Variants in AKAP6 observed in about 807,000 individuals in gnomAD.
AKAP6 encodes the protein A-kinase anchoring protein 6.
In AKAP6, 58 loss-of-function variants were observed where a neutral mutation model predicts 188.5. That is an observed-to-expected ratio of 0.31 (90% CI 0.25 to 0.38). The LOEUF (loss-of-function observed/expected upper bound fraction) is 0.38, where lower values mean the gene tolerates loss of function less well. Ranked by LOEUF, AKAP6 falls within the 10% of genes least tolerant of loss-of-function variation. The probability of loss-of-function intolerance (pLI) is 1.00; values close to 1 mark genes in which losing one functional copy is unlikely to be tolerated. For missense variants in AKAP6, 2,710 were observed against 2,740.0 expected (o/e 0.99, Z 0.24); for synonymous variants, 989 against 998.6 (o/e 0.99, Z 0.18).
intron 7 of AKAP6, among the ~76,000 whole-genome samples, chr14:32,656,006 T>TA (rs1234454415): frequency 6.6e-6 from 1 of 152,260 alleles, no homozygotes; most frequent in East Asian, 1.9e-4. Context: ...CTCGTCTAGA[T>TA]ATTTCAGTGA....
chr14:32,670,012 G>A (rs917554766), intron 7 of AKAP6, among the ~76,000 whole-genome samples: 2 of 151,498 alleles, frequency 1.3e-5, no homozygotes, highest in East Asian at 1.9e-4. Context: ...CAGGAGAATC[G>A]CTTGATCCCA....
chr14:32,762,578 A>G (rs934731611), intron 11 of AKAP6, among the ~76,000 whole-genome samples: 6 of 152,112 alleles, frequency 3.9e-5, no homozygotes, highest in African/African-American at 1.4e-4. Flanking sequence ...CTACATTTTT[A>G]GAATGGTTAT....
intron 11 of AKAP6, among the ~76,000 whole-genome samples, chr14:32,760,982 C>G (rs961854299): frequency 6.6e-6 from 1 of 152,174 alleles, no homozygotes; most frequent in Non-Finnish European, 1.5e-5. Context: ...ATACTGAAAA[C>G]TGGTGAAAAG....
intron 5 of AKAP6, among the ~76,000 whole-genome samples, chr14:32,595,737 A>C (rs999011378): frequency 1.3e-5 from 2 of 152,040 alleles, no homozygotes; most frequent in South Asian, 4.1e-4. Flanking sequence ...AAAAACTTGA[A>C]TCCCATTGGG....
At chr14:32,769,526 G>A (rs1416098971) in intron 11 of AKAP6, among the ~76,000 whole-genome samples, 1 of 149,068 alleles carries the variant, frequency 6.7e-6, no homozygotes, top group African/African-American at 2.5e-5. Flanking sequence ...AGAAGGCGAA[G>A]TCTGAAAGTG....
intron 1 of AKAP6, among the ~76,000 whole-genome samples, chr14:32,372,481 C>A (rs1254310344): frequency 1.3e-5 from 2 of 151,722 alleles, no homozygotes; most frequent in African/African-American, 2.4e-5. Context: ...AATCAAATGG[C>A]CATAACAATG....
chr14:32,389,243 A>G (rs987982182), intron 1 of AKAP6, among the ~76,000 whole-genome samples: 11 of 152,090 alleles, frequency 7.2e-5, no homozygotes, highest in African/African-American at 2.7e-4. Flanking sequence ...CTTATGTGTT[A>G]GGTGAGTCTC....
At chr14:32,788,993 A>G (rs1009863959) in intron 12 of AKAP6, among the ~76,000 whole-genome samples, 1 of 152,192 alleles carries the variant, frequency 6.6e-6, no homozygotes, top group African/African-American at 2.4e-5. Flanking sequence ...AGGGTCGGCC[A>G]CCATCTATGT....
intron 8 of AKAP6, among the ~76,000 whole-genome samples, chr14:32,684,631 A>C (rs1163693256): frequency 6.6e-6 from 1 of 152,192 alleles, no homozygotes; most frequent in Non-Finnish European, 1.5e-5. Flanking sequence ...ATAGAATTCA[A>C]GTTAGCTCTC....
At chr14:32,735,547 T>G in intron 10 of AKAP6, 111 bp from the exon 11 acceptor site, 1 of 761,562 alleles carries the variant, frequency 1.3e-6, no homozygotes, top group Non-Finnish European at 2.1e-6. Flanking sequence ...CCAACAAAAC[T>G]GTGGTGTGTT....
At chr14:32,745,869 G>A (rs1333226177) in intron 11 of AKAP6, among the ~76,000 whole-genome samples, 1 of 152,114 alleles carries the variant, frequency 6.6e-6, no homozygotes, top group Non-Finnish European at 1.5e-5. Flanking sequence ...TGGCTGCACT[G>A]GCACTCAAAT....
At chr14:32,466,296 A>G (rs1024323351) in intron 2 of AKAP6, among the ~76,000 whole-genome samples, 1 of 152,192 alleles carries the variant, frequency 6.6e-6, no homozygotes, top group Non-Finnish European at 1.5e-5. Context: ...CTGCAGCACT[A>G]TTTACAATAG....
At chr14:32,529,300 CT>C (rs796127645) in intron 2 of AKAP6, among the ~76,000 whole-genome samples, 22 of 152,208 alleles carry the variant, frequency 1.4e-4, no homozygotes, top group African/African-American at 5.1e-4. Flanking sequence ...AAGCAATTGA[CT>C]TTTGTATATT....
intron 9 of AKAP6, among the ~76,000 whole-genome samples, chr14:32,698,674 C>T (rs887075416): frequency 6.6e-6 from 1 of 152,102 alleles, no homozygotes; most frequent in African/African-American, 2.4e-5. Context: ...CATATCTATA[C>T]CATCTTTGTT....
intron 11 of AKAP6, among the ~76,000 whole-genome samples, chr14:32,737,968 G>T (rs564020646): frequency 6.6e-6 from 1 of 152,108 alleles, no homozygotes; most frequent in African/African-American, 2.4e-5. Flanking sequence ...TAAGCAATAC[G>T]TATGAGAAAT....
intron 7 of AKAP6, among the ~76,000 whole-genome samples, chr14:32,640,636 G>C (rs1176820844): frequency 6.6e-6 from 1 of 152,086 alleles, no homozygotes; most frequent in Non-Finnish European, 1.5e-5. Context: ...AGACCAACTT[G>C]CTCTTGCCTG....
chr14:32,519,339 TAAC>T (rs749678777), intron 2 of AKAP6, among the ~76,000 whole-genome samples: 224 of 152,232 alleles, frequency 1.5e-3, no homozygotes, highest in Non-Finnish European at 2.7e-3. Flanking sequence ...AATTCACACA[TAAC>T]AATATTAACC....
At chr14:32,345,325 G>A (rs1887033185) in intron 1 of AKAP6, among the ~76,000 whole-genome samples, 1 of 152,102 alleles carries the variant, frequency 6.6e-6, no homozygotes, top group African/African-American at 2.4e-5. Flanking sequence ...CAGACACAGG[G>A]GTAACTCTCA....
chr14:32,607,889 G>A (rs1886187634), intron 7 of AKAP6, among the ~76,000 whole-genome samples: 1 of 152,016 alleles, frequency 6.6e-6, no homozygotes, highest in African/African-American at 2.4e-5. Context: ...CTGCTACTGT[G>A]GATTTTTCAA....
Sources: allele counts gnomAD v4.1 joint callset (sites outside exome capture counted in the v4.1 genomes callset), GRCh38; gene constraint gnomAD v4.1.1; transcripts MANE v1.5; gene names NCBI Gene and HGNC (gene_info 2026-07-23, HGNC 2026-07-21).